Variants in SHISA6 observed in about 807,000 individuals in gnomAD.
The protein encoded by SHISA6 is protein shisa-6.
SHISA6 carries 22 observed loss-of-function variants against 47.9 expected under a neutral mutation model. That is an observed-to-expected ratio of 0.46 (90% CI 0.33 to 0.66). SHISA6 has a LOEUF of 0.66. SHISA6 is among the 30% of genes least tolerant of loss of function. The pLI, the probability that SHISA6 is intolerant of heterozygous loss-of-function variation, is 0.02. For missense variants in SHISA6, 680 were observed against 764.6 expected, an observed-to-expected ratio of 0.89 and a Z score of 1.30; for synonymous variants, 388 against 337.8, an observed-to-expected ratio of 1.15 and a Z score of -1.63.
At chr17:11,515,255 AAAAG>A (rs1291112532) in intron 3 of SHISA6, among the ~76,000 whole-genome samples, 1 of 149,610 alleles carries the variant, frequency 6.7e-6, no homozygotes, top group Admixed American at 6.6e-5. Context: ...AAAAAAAAAA[AAAAG>A]AAAAAAGAAA....
intron 3 of SHISA6, among the ~76,000 whole-genome samples, chr17:11,525,657 A>AC (rs2071671775): frequency 2.3e-5 from 3 of 130,944 alleles, no homozygotes; most frequent in Admixed American, 7.5e-5. Context: ...AAAAACAAAA[A>AC]AAAAAAAACG....
intron 1 of SHISA6, among the ~76,000 whole-genome samples, chr17:11,262,602 C>T (rs758733022): frequency 2.0e-5 from 3 of 152,194 alleles, no homozygotes; most frequent in East Asian, 3.9e-4. Context: ...CATGCTGAAT[C>T]GTCAGTCAAT....
At chr17:11,454,755 G>T (rs148058986) in intron 3 of SHISA6, among the ~76,000 whole-genome samples, 1 of 152,150 alleles carries the variant, frequency 6.6e-6, no homozygotes, top group African/African-American at 2.4e-5. Flanking sequence ...ATAGACATTT[G>T]TTCACTCATT....
chr17:11,351,283 A>C (rs1911881690), intron 2 of SHISA6, among the ~76,000 whole-genome samples: 2 of 152,204 alleles, frequency 1.3e-5, no homozygotes, highest in Non-Finnish European at 2.9e-5. Context: ...CATTCTGCAC[A>C]TGTATCCCAG....
At chr17:11,364,718 G>C (rs562172175) in intron 2 of SHISA6, among the ~76,000 whole-genome samples, 41 of 152,234 alleles carry the variant, frequency 2.7e-4, no homozygotes, top group African/African-American at 9.6e-4. Flanking sequence ...TAAATTTTTA[G>C]ATTTGGAATT....
intron 1 of SHISA6, among the ~76,000 whole-genome samples, chr17:11,255,354 G>C (rs1907967835): frequency 6.6e-6 from 1 of 152,056 alleles, no homozygotes; most frequent in East Asian, 1.9e-4. Flanking sequence ...AAGAAGGAAA[G>C]AAAAGGAAGA....
At chr17:11,535,837 T>G (rs1165888311) in intron 3 of SHISA6, among the ~76,000 whole-genome samples, 1 of 152,100 alleles carries the variant, frequency 6.6e-6, no homozygotes, top group African/African-American at 2.4e-5. Flanking sequence ...TATTTCCAAA[T>G]TACTTCAAAC....
At chr17:11,393,048 C>T (rs918226738) in intron 3 of SHISA6, among the ~76,000 whole-genome samples, 3 of 152,240 alleles carry the variant, frequency 2.0e-5, no homozygotes, top group African/African-American at 7.2e-5. Context: ...TATTGTTCTA[C>T]ACAAATTCTG....
intron 2 of SHISA6, among the ~76,000 whole-genome samples, chr17:11,296,060 T>C (rs928323407): frequency 1.3e-5 from 2 of 151,600 alleles, no homozygotes; most frequent in Non-Finnish European, 2.9e-5. Context: ...TGGTTTGCTC[T>C]AGGAACTGTC....
intron 2 of SHISA6, among the ~76,000 whole-genome samples, chr17:11,299,158 G>A (rs1019751593): frequency 6.6e-6 from 1 of 152,146 alleles, no homozygotes; most frequent in Non-Finnish European, 1.5e-5. Context: ...TCTTCATTGT[G>A]TCATTGTGAC....
Position 11,364,674 on chromosome 17 carries a change from G to T in SHISA6, c.800-14740G>T, listed in dbSNP as rs544887728. On this transcript the variant is annotated intron_variant, in intron 2 of 5. Transcript: ENST00000441885. ...AGCTGCAATAAATATTCTTGCACAT[G>T]TCAATTGACGGACATATATTCATTT... Among the ~76,000 whole-genome samples the T allele has an allele frequency of 8.5e-5, 13 of 152,274 alleles. No individual in the cohort carries two copies. In the South Asian group the frequency reaches 2.7e-3, roughly 32 times the overall value.
At chr17:11,556,065 G>A (rs1567638456) in intron 5 of SHISA6, among the ~76,000 whole-genome samples, 173 bp downstream of exon 5, 1 of 152,116 alleles carries the variant, frequency 6.6e-6, no homozygotes, top group South Asian at 2.1e-4. Context: ...GTTCCTTATG[G>A]ACTGAGCCCA....
At chr17:11,386,146 A>C (rs1325431740) in intron 3 of SHISA6, among the ~76,000 whole-genome samples, 3 of 152,148 alleles carry the variant, frequency 2.0e-5, no homozygotes, top group African/African-American at 7.2e-5. Context: ...GAGGCCAAGG[A>C]GGGCAGATCA....
intron 3 of SHISA6, among the ~76,000 whole-genome samples, chr17:11,409,130 C>T (rs192800033): frequency 3.3e-5 from 5 of 152,124 alleles, no homozygotes; most frequent in Middle Eastern, 3.4e-3. Context: ...ATCCATGTAT[C>T]GTTGTGTCAT....
At chr17:11,281,532 A>G (rs1909120268) in intron 2 of SHISA6, among the ~76,000 whole-genome samples, 1 of 152,112 alleles carries the variant, frequency 6.6e-6, no homozygotes, top group Admixed American at 6.5e-5. Flanking sequence ...CCATTTTTAT[A>G]TATTATTATA....
chr17:11,525,471 A>G (rs2071667896), intron 3 of SHISA6, among the ~76,000 whole-genome samples: 1 of 151,732 alleles, frequency 6.6e-6, no homozygotes. Flanking sequence ...CATCTCTACT[A>G]AAAATACAAA....
chr17:11,557,794 C>T lies in SHISA6; in HGVS notation c.1146C>T (p.His382=), dbSNP rs1335356007. The T allele has an allele frequency of 1.3e-6, 2 of 1,550,882 alleles. No individual in the cohort carries two copies. Among genetic ancestry groups the T allele is most frequent in the Admixed American group, 3.9e-5 (2 of 50,916 alleles). ...ACGAGTATTACATGAGACGGCGGCA[C>T]CTGCCCGACCTGGCTGCCCGCGGCA... ...EADEYYMRRR[H]LPDLAARGTL... The change falls in exon 6 of 6, where the codon CAC becomes CAT. Residue 382 remains histidine (H), a synonymous_variant. Transcript: ENST00000441885.
intron 3 of SHISA6, among the ~76,000 whole-genome samples, chr17:11,395,203 T>C (rs1488759886): frequency 6.6e-6 from 1 of 151,932 alleles, no homozygotes; most frequent in African/African-American, 2.4e-5. Context: ...AAAATTATCA[T>C]TGATACAATA....
chr17:11,256,542 T>C (rs1908014654), intron 1 of SHISA6, among the ~76,000 whole-genome samples: 1 of 152,160 alleles, frequency 6.6e-6, no homozygotes, highest in African/African-American at 2.4e-5. Flanking sequence ...AGAATCGTAA[T>C]GGCAGCAGCA....
Sources: allele counts gnomAD v4.1 joint callset (sites outside exome capture counted in the v4.1 genomes callset), GRCh38; gene constraint gnomAD v4.1.1; transcripts MANE v1.5; gene names NCBI Gene and HGNC (gene_info 2026-07-23, HGNC 2026-07-21).